SNAP47: variants seen among roughly 807,000 people sequenced by gnomAD.
SNAP47 encodes synaptosomal-associated protein 47.
Under a neutral mutation model 31.4 loss-of-function variants are expected in SNAP47, and 20 were observed. The observed-to-expected ratio is 0.64, with a 90% CI of 0.45 to 0.93. The LOEUF (loss-of-function observed/expected upper bound fraction) is 0.93, where lower values mean the gene tolerates loss of function less well. Ranked by LOEUF, SNAP47 falls within the 40% of genes least tolerant of loss-of-function variation. The pLI, the probability that SNAP47 is intolerant of heterozygous loss-of-function variation, is 0.00. For synonymous variants in SNAP47, 194 were observed against 213.4 expected (o/e 0.91, Z 0.79); for missense variants, 492 against 528.5 (o/e 0.93, Z 0.68).
At chr1:227,761,009 G>T (rs942015977) in intron 3 of SNAP47, among the ~76,000 whole-genome samples, 2 of 152,156 alleles carry the variant, frequency 1.3e-5, no homozygotes, top group African/African-American at 4.8e-5. Flanking sequence ...TAGCTAATAC[G>T]CATGCATGTA....
chr1:227,743,381 C>T (rs1409826538), intron 1 of SNAP47, among the ~76,000 whole-genome samples: 1 of 152,140 alleles, frequency 6.6e-6, no homozygotes, highest in Non-Finnish European at 1.5e-5. Flanking sequence ...TGTTGGGGTT[C>T]CCTGCAGTCT....
At chr1:227,778,429 A>G (rs970529465) in intron 4 of SNAP47, among the ~76,000 whole-genome samples, 3 of 152,232 alleles carry the variant, frequency 2.0e-5, no homozygotes, top group African/African-American at 7.2e-5. Flanking sequence ...TAAATTCTAA[A>G]TACACTTAAA....
chr1:227,739,833 T>C (rs1661471545), intron 1 of SNAP47, among the ~76,000 whole-genome samples: 1 of 152,236 alleles, frequency 6.6e-6, no homozygotes, highest in Admixed American at 6.5e-5. Context: ...AGGATTCAGC[T>C]GTGTGTTCTC....
At chr1:227,728,321 C>T (rs1425435095), upstream of SNAP47, among the ~76,000 whole-genome samples, 1 of 152,024 alleles carries the variant, frequency 6.6e-6, no homozygotes, top group African/African-American at 2.4e-5. Flanking sequence ...TTGGCTGGGG[C>T]TGCAGGGCCG....
At chr1:227,730,552 C>A (rs1348546559), upstream of SNAP47, 1 of 152,158 alleles carries the variant, frequency 6.6e-6, no homozygotes, top group East Asian at 1.9e-4. Context: ...CCCCACAGAG[C>A]TTCTGGCATT....
At position 227,741,712 on chromosome 1, in the gene SNAP47, C is replaced by T. The variant is rs989021708; in HGVS notation, c.-45-5980C>T. 2.0e-5 allele frequency among the ~76,000 whole-genome samples: 3 copies of T among 152,008 alleles called. No homozygotes were observed. Among genetic ancestry groups the T allele is most frequent in the East Asian group, 1.9e-4 (1 of 5,174 alleles). ...CCTGTGGCCTCTGTGTGGGGCCAGGCGTGTCGTCGGGTAGGGGAATGGCTG... is the reference window on the plus strand; with the variant it reads ...CCTGTGGCCTCTGTGTGGGGCCAGGTGTGTCGTCGGGTAGGGGAATGGCTG... On this transcript the variant is annotated intron_variant, in intron 1 of 4. Coordinates refer to ENST00000617596, the MANE Select transcript of SNAP47 (RefSeq NM_053052.4). The surrounding 1 kb of genome is among the most constrained non-coding windows in gnomAD (Gnocchi z 4.2).
At chr1:227,755,924 C>T (rs1231275246) in intron 2 of SNAP47, among the ~76,000 whole-genome samples, 3 of 152,220 alleles carry the variant, frequency 2.0e-5, no homozygotes, top group Admixed American at 1.3e-4. Flanking sequence ...ATCTTTTAAC[C>T]AATCTTTTAA....
rs1661971986 is a variant in SNAP47 at position 227,746,502 on chromosome 1, G to C, written c.-45-1190G>C. 3.3e-5 allele frequency: 5 copies of C among 152,254 alleles called. No homozygotes were observed. In the South Asian group the frequency reaches 1.0e-3, roughly 32 times the overall value. 9.4% of individuals were successfully genotyped at this position (152,254 alleles called of 1,614,324 possible). ...GTGTCTTGTCTAGACTTGTGTTGGG[G>C]GCATGGTGTCCAGTGCAGCAGTTAC... On this transcript the variant is annotated intron_variant, in intron 1 of 4. Coordinates refer to ENST00000617596, the MANE Select transcript of SNAP47 (RefSeq NM_053052.4).
intron 2 of SNAP47, 40 bp downstream of exon 2, chr1:227,748,273 T>G: frequency 6.7e-7 from 1 of 1,499,342 alleles, no homozygotes; most frequent in Non-Finnish European, 8.9e-7. Context: ...ACACACAGAG[T>G]AAGATGCACA....
intron 2 of SNAP47, among the ~76,000 whole-genome samples, chr1:227,752,848 A>G (rs1662463546): frequency 6.6e-6 from 1 of 152,222 alleles, no homozygotes; most frequent in African/African-American, 2.4e-5. Context: ...TCAGATGGGC[A>G]GTTAATCCTT....
chr1:227,747,730 G>A lies in SNAP47; in HGVS notation c.-7G>A. 1 of 1,612,584 alleles carries A rather than the reference G, an allele frequency of 6.2e-7. No homozygotes were observed. The highest frequency in any genetic ancestry group is 1.1e-5 in the South Asian group (1 of 90,980). On this transcript the variant is annotated 5_prime_UTR_variant, in exon 2 of 5. Transcript: ENST00000617596. ...CTGGACCTTGGCGCACACAGACCCA[G>A]GAACAGATGAGCAGGGATGTCTGCA... is the stretch of plus-strand genomic sequence containing the variant.
chr1:227,744,674 A>G (rs191175204), intron 1 of SNAP47, among the ~76,000 whole-genome samples: 39 of 152,138 alleles, frequency 2.6e-4, no homozygotes, highest in African/African-American at 7.9e-4. Context: ...AGAGAGACCA[A>G]TGGCAGATCC....
At chr1:227,770,535 A>G (rs1385036734) in intron 4 of SNAP47, 1 of 154,820 alleles carries the variant, frequency 6.5e-6, no homozygotes, top group Non-Finnish European at 1.5e-5. Flanking sequence ...TTCAGAAGGT[A>G]ACATCCCTTT....
chr1:227,768,389 C>A lies in SNAP47; in HGVS notation c.1113+1306C>A. On this transcript the variant is annotated intron_variant, in intron 4 of 4. Coordinates refer to ENST00000617596, the MANE Select transcript of SNAP47 (RefSeq NM_053052.4). The stretch of plus-strand genomic sequence containing the variant: ...GGTGGGTCTGGGGCTCTGTCAGGCC[C>A]GGCCCTGTTTTTGTAGGGAGTGTTT... The A allele has an allele frequency of 3.1e-6, 3 of 954,676 alleles. No individual in the cohort carries two copies. In the South Asian group the frequency reaches 1.4e-4, roughly 46 times the overall value. 59.1% of individuals were successfully genotyped at this position (954,676 alleles called of 1,614,324 possible).
intron 1 of SNAP47, among the ~76,000 whole-genome samples, chr1:227,740,555 A>C (rs748552411): frequency 2.6e-5 from 4 of 152,148 alleles, no homozygotes; most frequent in Non-Finnish European, 4.4e-5. Flanking sequence ...GGGGGCACAC[A>C]TATAATGGAA....
At chr1:227,758,254 A>G (rs1387186842) in intron 2 of SNAP47, among the ~76,000 whole-genome samples, 1 of 152,220 alleles carries the variant, frequency 6.6e-6, no homozygotes, top group Non-Finnish European at 1.5e-5. Flanking sequence ...GGGGACGCTG[A>G]GTCCCTGAAG....
intron 1 of SNAP47, chr1:227,736,604 T>A (rs2102880103): frequency 6.7e-6 from 1 of 148,656 alleles, no homozygotes; most frequent in African/African-American, 2.5e-5. Flanking sequence ...GATGAATTCT[T>A]TAATTCTGCT....
intron 2 of SNAP47, among the ~76,000 whole-genome samples, chr1:227,751,124 G>A (rs1234294192): frequency 4.6e-5 from 7 of 152,198 alleles, no homozygotes; most frequent in Admixed American, 3.9e-4. Flanking sequence ...CAGCCCCTGG[G>A]CCCCTTTAGT....
intron 4 of SNAP47, chr1:227,775,742 A>G: frequency 7.7e-7 from 1 of 1,296,902 alleles, no homozygotes; most frequent in Non-Finnish European, 1.0e-6. Flanking sequence ...TTTATAAACA[A>G]AATGGAAATG....
Sources: allele counts gnomAD v4.1 joint callset (sites outside exome capture counted in the v4.1 genomes callset), GRCh38; gene constraint gnomAD v4.1.1; non-coding constraint Gnocchi (gnomAD v3.1); transcripts MANE v1.5; gene names NCBI Gene and HGNC (gene_info 2026-07-23, HGNC 2026-07-21).